The following INPP5B variants were observed in gnomAD, a reference collection of about 807,000 sequenced individuals.
INPP5B encodes type II inositol 1,4,5-trisphosphate 5-phosphatase.
Under a neutral mutation model 118.5 loss-of-function variants are expected in INPP5B, and 90 were observed. The ratio of observed to expected loss-of-function variants is 0.76; its 90% CI spans 0.64 to 0.90. The LOEUF is 0.90. INPP5B is among the 40% of genes least tolerant of loss of function. The probability of loss-of-function intolerance (pLI) is 0.00; values close to 1 mark genes in which losing one functional copy is unlikely to be tolerated. For missense variants in INPP5B, 984 were observed against 1,125.6 expected (o/e 0.87, Z 1.80); for synonymous variants, 385 against 418.9 (o/e 0.92, Z 0.99).
intron 7 of INPP5B, among the ~76,000 whole-genome samples, chr1:37,902,376 A>G (rs185036340): frequency 6.6e-6 from 1 of 152,170 alleles, no homozygotes; most frequent in African/African-American, 2.4e-5. Flanking sequence ...AAGCCCACTT[A>G]ATGATTTCCC....
intron 7 of INPP5B, among the ~76,000 whole-genome samples, chr1:37,924,633 G>A (rs1024690556): frequency 7.9e-5 from 12 of 152,060 alleles, no homozygotes; most frequent in Admixed American, 7.2e-4. Context: ...GAGGTCAAGC[G>A]CGGTGGCTCA....
chr1:37,883,600 G>T (rs377350662), intron 13 of INPP5B: 50 of 985,332 alleles, frequency 5.1e-5, no homozygotes, highest in Non-Finnish European at 6.0e-5. Flanking sequence ...AGCAGTACAC[G>T]CACACCAAAA....
chr1:37,936,347 G>A (rs1255776630), intron 6 of INPP5B, among the ~76,000 whole-genome samples: 1 of 151,944 alleles, frequency 6.6e-6, no homozygotes. Flanking sequence ...CTGGCCGAGC[G>A]CGGTGGTTCA....
intron 7 of INPP5B, among the ~76,000 whole-genome samples, chr1:37,908,540 C>T (rs1308742640): frequency 6.6e-6 from 1 of 151,490 alleles, no homozygotes; most frequent in Non-Finnish European, 1.5e-5. Context: ...GAGTTCGAGA[C>T]CTGCCTGGGC....
chr1:37,868,405 G>A, intron 20 of INPP5B, 96 bp downstream of exon 20: 1 of 749,606 alleles, frequency 1.3e-6, no homozygotes, highest in Non-Finnish European at 2.4e-6. Context: ...GTGAAGAACA[G>A]TTCTCCACAG....
In INPP5B at chr1:37,862,393, A is replaced by G. The variant is rs1204058183; in HGVS notation, c.2664T>C (p.Ala888=). 1.9e-6 allele frequency: 3 copies of G among 1,613,984 alleles called. No homozygotes were observed. In the South Asian group the frequency reaches 3.3e-5, roughly 18 times the overall value. Residue 888 remains alanine (A), a synonymous_variant, in exon 24 of 24, where the codon GCT becomes GCC. Coordinates refer to ENST00000373024, the MANE Select transcript of INPP5B (RefSeq NM_005540.3). ...IFGSLLLRNP[A]GHQKLDMTEK... is the part of the protein sequence containing the mutation. ...CTGTCATATCAAGCTTTTGGTGACC[A>G]GCTGGGTTTCGAAGCAATAAGCTGC...
chr1:37,873,967 C>A, intron 18 of INPP5B, 26 bp downstream of exon 18: 1 of 1,496,988 alleles, frequency 6.7e-7, no homozygotes, highest in Non-Finnish European at 9.0e-7. Flanking sequence ...AACCAGATAC[C>A]AGGAAGCTAG....
intron 7 of INPP5B, among the ~76,000 whole-genome samples, chr1:37,906,759 T>C (rs1016143977): frequency 2.0e-5 from 3 of 148,166 alleles, no homozygotes; most frequent in Non-Finnish European, 3.0e-5. Flanking sequence ...ACTCGGGAGG[T>C]TGAGACAGGA....
intron 6 of INPP5B, among the ~76,000 whole-genome samples, chr1:37,935,926 C>T (rs1442076439): frequency 2.0e-5 from 3 of 151,842 alleles, no homozygotes; most frequent in African/African-American, 4.8e-5. Context: ...ATTAGCCAGG[C>T]GTGGTGGTGG....
chr1:37,943,098 T>G (rs1645993276), intron 5 of INPP5B, among the ~76,000 whole-genome samples: 1 of 151,812 alleles, frequency 6.6e-6, no homozygotes, highest in African/African-American at 2.4e-5. Flanking sequence ...CCTCCCAGGT[T>G]CAAGCAATTC....
Position 37,932,013 on chromosome 1 carries a change from C to A in INPP5B, c.432G>T (p.Leu144=). The change falls in exon 7 of 24, where the codon CTG becomes CTT. Residue 144 remains leucine (L), a synonymous_variant. Coordinates refer to ENST00000373024, the MANE Select transcript of INPP5B (RefSeq NM_005540.3). ...SATRDPEFLW[L]SRYRCAELEL... ...CCAGCTCTGCGCACCTATACCGAGA[C>A]AGCCACAGGAATTCAGGATCCCGGG... 1 of 1,606,876 alleles carries A rather than the reference C, an allele frequency of 6.2e-7. No homozygotes were observed. The highest frequency in any genetic ancestry group is 8.5e-7 in the Non-Finnish European group (1 of 1,175,574).
intron 7 of INPP5B, chr1:37,930,415 C>T (rs914749670): frequency 6.6e-6 from 1 of 152,262 alleles, no homozygotes; most frequent in Non-Finnish European, 1.5e-5. Context: ...GAAGTGCCTG[C>T]ATGGCCTGGC....
At chr1:37,873,316 T>G in intron 18 of INPP5B, 151 bp from the exon 19 acceptor site, 1 of 621,908 alleles carries the variant, frequency 1.6e-6, no homozygotes, top group South Asian at 1.9e-5. Context: ...GTGCTTGGCA[T>G]GCAGGAGACA....
At chr1:37,876,552 T>TAAAAA (rs34854182) in intron 16 of INPP5B, among the ~76,000 whole-genome samples, 14 of 54,610 alleles carry the variant, frequency 2.6e-4, no homozygotes, top group African/African-American at 9.0e-4. Context: ...GCTGTCTCTT[T>TAAAAA]AAAAAAAAAA....
intron 7 of INPP5B, among the ~76,000 whole-genome samples, chr1:37,891,852 T>C (rs1288350400): frequency 6.6e-6 from 1 of 152,128 alleles, no homozygotes; most frequent in Non-Finnish European, 1.5e-5. Flanking sequence ...GCTTCGGAAA[T>C]TGTAGTCTAG....
At chr1:37,896,970 CGGGAGGGAG>C (rs1327732638) in intron 7 of INPP5B, among the ~76,000 whole-genome samples, 1 of 112,452 alleles carries the variant, frequency 8.9e-6, no homozygotes, top group Non-Finnish European at 2.1e-5. Context: ...CCGCCCCGTC[CGGGAGGGAG>C]GTGGGGGGGT....
At chr1:37,890,270 G>C (rs1056983084) in intron 8 of INPP5B, among the ~76,000 whole-genome samples, 2 of 151,936 alleles carry the variant, frequency 1.3e-5, no homozygotes, top group African/African-American at 4.8e-5. Context: ...AGCTCCTCGG[G>C]AGGCTGAGAC....
chr1:37,867,545 G>C (rs1642120340), intron 20 of INPP5B, among the ~76,000 whole-genome samples: 1 of 152,136 alleles, frequency 6.6e-6, no homozygotes, highest in Non-Finnish European at 1.5e-5. Flanking sequence ...GTGAAAACTA[G>C]AGGCAATGCT....
intron 16 of INPP5B, among the ~76,000 whole-genome samples, chr1:37,877,578 A>AT (rs1642921076): frequency 6.6e-6 from 1 of 152,208 alleles, no homozygotes; most frequent in Non-Finnish European, 1.5e-5. Flanking sequence ...TTTAAAATAC[A>AT]TTTTTTATTT....
Sources: allele counts gnomAD v4.1 joint callset (sites outside exome capture counted in the v4.1 genomes callset), GRCh38; gene constraint gnomAD v4.1.1; transcripts MANE v1.5; gene names NCBI Gene and HGNC (gene_info 2026-07-23, HGNC 2026-07-21).